Variants in GLP2R observed in about 807,000 individuals in gnomAD.
GLP2R encodes glucagon-like peptide 2 receptor.
In GLP2R, 59 loss-of-function variants were observed where a neutral mutation model predicts 68.2. That is an observed-to-expected ratio of 0.87 (90% CI 0.70 to 1.07). The LOEUF (loss-of-function observed/expected upper bound fraction) is 1.07, where lower values mean the gene tolerates loss of function less well. Among genes scored for constraint, GLP2R ranks in the 50% least tolerant of loss-of-function variants. The pLI is 0.00. For missense variants in GLP2R, 548 were observed against 677.4 expected (o/e 0.81, Z 2.12); for synonymous variants, 270 against 265.4 (o/e 1.02, Z -0.17).
intron 9 of GLP2R, among the ~76,000 whole-genome samples, chr17:9,867,832 C>G (rs2067053806): frequency 6.6e-6 from 1 of 152,192 alleles, no homozygotes; most frequent in Non-Finnish European, 1.5e-5. Context: ...GTGATAGCCT[C>G]AGAACTTGGC....
At chr17:9,869,780 T>A in intron 9 of GLP2R, among the ~76,000 whole-genome samples, 1 of 152,220 alleles carries the variant, frequency 6.6e-6, no homozygotes, top group East Asian at 1.9e-4. Context: ...GCCATCCTTT[T>A]GAGGACCTAG....
intron 2 of GLP2R, chr17:9,834,926 C>T: frequency 6.6e-6 from 1 of 152,264 alleles, no homozygotes; most frequent in East Asian, 1.9e-4. Context: ...TTACCCAGAC[C>T]AGGTGCTGAC....
chr17:9,862,038 G>A lies in GLP2R; in HGVS notation c.1004G>A (p.Gly335Glu). 2 of 1,613,396 alleles carry A rather than the reference G, an allele frequency of 1.2e-6. No individual in the cohort carries two copies. The highest frequency in any genetic ancestry group is 1.7e-6 in the Non-Finnish European group (2 of 1,179,400). ...GACCTTAGGTGCTGGACAACAAATG[G>A]GAATAAGAAAATCTGGTGGATCATC... ...LENTGCWTTN[G>E]NKKIWWIIRG... The change falls in exon 9 of 13, where the codon GGG (glycine) becomes GAG (glutamate). Residue 335 changes from glycine to glutamate, a missense_variant. By Grantham distance (98) the Gly-to-Glu change is moderately conservative. Transcript: ENST00000262441.
intron 2 of GLP2R, among the ~76,000 whole-genome samples, chr17:9,835,051 A>G (rs1434779408): frequency 1.5e-4 from 18 of 119,102 alleles, no homozygotes; most frequent in African/African-American, 5.1e-4. Flanking sequence ...TTTTTTTGAG[A>G]CAGAGTCTCA....
At chr17:9,836,635 A>T (rs1406246204) in intron 3 of GLP2R, among the ~76,000 whole-genome samples, 160 bp downstream of exon 3, 1 of 151,712 alleles carries the variant, frequency 6.6e-6, no homozygotes, top group East Asian at 1.9e-4. Context: ...GTATGTATAT[A>T]TTTATTTTTA....
In GLP2R at chr17:9,846,368, C is replaced by A. The variant is rs999623676; in HGVS notation, c.504+3752C>A. Among the ~76,000 whole-genome samples the A allele has an allele frequency of 7.7e-4, 118 of 152,262 alleles. 1 individual carries two copies. Among genetic ancestry groups the A allele is most frequent in the Non-Finnish European group, 2.1e-4 (14 of 68,010 alleles). On this transcript the variant is annotated intron_variant, in intron 4 of 12. Transcript: ENST00000262441. ...CAGTAGCTCAGGCCTGTAATCCCAGCGCTTTGGGAAGCTGAAGTGGGAGGG... is the reference window on the plus strand; with the variant it reads ...CAGTAGCTCAGGCCTGTAATCCCAGAGCTTTGGGAAGCTGAAGTGGGAGGG...
Position 9,860,193 on chromosome 17 carries a change from G to T in GLP2R, c.925+92G>T, listed in dbSNP as rs929980261. On this transcript the variant is annotated intron_variant, in intron 7 of 12. Transcript: ENST00000262441. Reference sequence around the variant, plus strand: ...TTTAGTTGGACTTAGAAACCTAACTGGAGGTTGCTTCTGGGACATATAAGT... The same window carrying T: ...TTTAGTTGGACTTAGAAACCTAACTTGAGGTTGCTTCTGGGACATATAAGT... The T allele has an allele frequency of 1.6e-5, 20 of 1,239,790 alleles. No homozygotes were observed. In the African/African-American group the frequency reaches 2.6e-4, roughly 16 times the overall value. 76.8% of individuals were successfully genotyped at this position (1,239,790 alleles called of 1,614,324 possible).
At chr17:9,862,150 C>A in intron 9 of GLP2R, 60 bp downstream of exon 9, 1 of 1,227,540 alleles carries the variant, frequency 8.1e-7, no homozygotes, top group Non-Finnish European at 1.2e-6. Context: ...GGAATCCCCC[C>A]GCCCCACCCG....
Position 9,826,378 on chromosome 17 carries a change from C to T in GLP2R, c.189+126C>T, listed in dbSNP as rs138807888. ...ACAGTATTAAGAAAATAATGAGCCG[C>T]CATAATCCTAGCATTCAAAGGTAAT... On this transcript the variant is annotated intron_variant, in intron 1 of 12. Coordinates refer to ENST00000262441, the MANE Select transcript of GLP2R (RefSeq NM_004246.3). The T allele has an allele frequency of 1.6e-4, 105 of 640,324 alleles. No individual in the cohort carries two copies. In the African/African-American group the frequency reaches 1.8e-3, roughly 11 times the overall value. The allele number at this position is 640,324 out of a possible 1,614,324, so 39.7% of individuals were successfully genotyped here.
intron 4 of GLP2R, among the ~76,000 whole-genome samples, chr17:9,844,007 G>C (rs1478272575): frequency 2.6e-5 from 4 of 152,186 alleles, no homozygotes; most frequent in Admixed American, 6.5e-5. Context: ...TGGGGAAACT[G>C]ATGCAGACAG....
chr17:9,840,923 C>T (rs1398183628), intron 3 of GLP2R, among the ~76,000 whole-genome samples: 1 of 151,832 alleles, frequency 6.6e-6, no homozygotes, highest in Non-Finnish European at 1.5e-5. Flanking sequence ...CAGAGAGTTA[C>T]GGGCCAGATC....
intron 1 of GLP2R, among the ~76,000 whole-genome samples, chr17:9,831,114 A>T (rs757724435): frequency 6.6e-6 from 1 of 152,090 alleles, no homozygotes; most frequent in East Asian, 1.9e-4. Flanking sequence ...TTGTTGCTGC[A>T]CTCCCTACTG....
chr17:9,847,345 C>T (rs1460625939), intron 4 of GLP2R, among the ~76,000 whole-genome samples: 2 of 152,060 alleles, frequency 1.3e-5, no homozygotes, highest in African/African-American at 4.8e-5. Flanking sequence ...TCTCGGCTCA[C>T]TGCAACCTCC....
At chr17:9,857,143 A>C (rs975657314) in intron 5 of GLP2R, among the ~76,000 whole-genome samples, 3 of 152,032 alleles carry the variant, frequency 2.0e-5, no homozygotes, top group Non-Finnish European at 4.4e-5. Flanking sequence ...GGTGGTCTCG[A>C]TCTCCTGACG....
At chr17:9,836,552 G>T (rs970559069) in intron 3 of GLP2R, 77 bp downstream of exon 3, 4 of 799,658 alleles carry the variant, frequency 5.0e-6, no homozygotes, top group Non-Finnish European at 6.7e-6. Context: ...AACAGTCCCC[G>T]TCTAAGCTCT....
At chr17:9,866,149 A>G in intron 9 of GLP2R, 1 of 333,956 alleles carries the variant, frequency 3.0e-6, no homozygotes. Context: ...GAAGTGAAAG[A>G]GGCAGGCTAG....
At chr17:9,826,813 T>C (rs191249941) in intron 1 of GLP2R, among the ~76,000 whole-genome samples, 88 of 152,308 alleles carry the variant, frequency 5.8e-4, no homozygotes, top group Middle Eastern at 6.8e-3. Context: ...TCATTCACAT[T>C]TGGGGGCTTA....
At chr17:9,872,189 G>A (rs1490841798) in intron 10 of GLP2R, among the ~76,000 whole-genome samples, 2 of 152,224 alleles carry the variant, frequency 1.3e-5, no homozygotes, top group Non-Finnish European at 2.9e-5. Flanking sequence ...CCTTTATAAG[G>A]CCTCACCCAG....
intron 11 of GLP2R, among the ~76,000 whole-genome samples, chr17:9,881,707 A>G (rs986312533): frequency 1.3e-5 from 2 of 152,162 alleles, no homozygotes; most frequent in Non-Finnish European, 2.9e-5. Context: ...TATGCCTGGA[A>G]CTGGCACAGT....
Sources: allele counts gnomAD v4.1 joint callset (sites outside exome capture counted in the v4.1 genomes callset), GRCh38; gene constraint gnomAD v4.1.1; transcripts MANE v1.5; gene names NCBI Gene and HGNC (gene_info 2026-07-23, HGNC 2026-07-21).